The following RSRC1 variants were observed in gnomAD, a reference collection of about 807,000 sequenced individuals.
The protein encoded by RSRC1 is serine/Arginine-related protein 53.
In RSRC1, 39 loss-of-function variants were observed where a neutral mutation model predicts 49.1. The ratio of observed to expected loss-of-function variants is 0.79; its 90% CI spans 0.61 to 1.04. The LOEUF (loss-of-function observed/expected upper bound fraction) is 1.04, where lower values mean the gene tolerates loss of function less well. Among genes scored for constraint, RSRC1 ranks in the 50% least tolerant of loss-of-function variants. The pLI, the probability that RSRC1 is intolerant of heterozygous loss-of-function variation, is 0.00. For synonymous variants in RSRC1, 143 were observed against 130.8 expected (o/e 1.09, Z -0.63); for missense variants, 388 against 402.4 (o/e 0.96, Z 0.31).
At chr3:158,223,704 T>C (rs1391428478) in intron 4 of RSRC1, among the ~76,000 whole-genome samples, 1 of 151,678 alleles carries the variant, frequency 6.6e-6, no homozygotes, top group East Asian at 1.9e-4. Flanking sequence ...TTAAATCCTT[T>C]AGTGACTTCT....
At chr3:158,254,112 T>G (rs1290311511) in intron 4 of RSRC1, among the ~76,000 whole-genome samples, 1 of 152,210 alleles carries the variant, frequency 6.6e-6, no homozygotes, top group Non-Finnish European at 1.5e-5. Flanking sequence ...TTTTTATGGC[T>G]GCATAGTATT....
intron 7 of RSRC1, among the ~76,000 whole-genome samples, chr3:158,484,363 A>C (rs943346663): frequency 2.0e-5 from 3 of 152,152 alleles, no homozygotes; most frequent in African/African-American, 7.2e-5. Flanking sequence ...GTGGGCAGAA[A>C]GAATAAATGA....
intron 6 of RSRC1, among the ~76,000 whole-genome samples, chr3:158,367,914 A>C (rs557958366): frequency 6.6e-6 from 1 of 152,324 alleles, no homozygotes; most frequent in South Asian, 2.1e-4. Flanking sequence ...CAAAAAGATA[A>C]AATTGGTGTG....
chr3:158,191,690 G>T (rs978349366), intron 3 of RSRC1, among the ~76,000 whole-genome samples: 3 of 151,834 alleles, frequency 2.0e-5, no homozygotes, highest in Admixed American at 6.6e-5. Context: ...ATTGGCTTTG[G>T]TACTCTAGAG....
chr3:158,411,519 TTG>T (rs1734466813), intron 6 of RSRC1, among the ~76,000 whole-genome samples: 1 of 150,826 alleles, frequency 6.6e-6, no homozygotes, highest in South Asian at 2.1e-4. Context: ...TCTTTTTTTT[TTG>T]TTTGTTTATT....
chr3:158,351,471 A>G (rs1020562477), intron 5 of RSRC1, among the ~76,000 whole-genome samples: 1 of 152,260 alleles, frequency 6.6e-6, no homozygotes, highest in East Asian at 1.9e-4. Flanking sequence ...GATCAATGTA[A>G]CAGTATATCC....
At chr3:158,232,570 T>C (rs1723027571) in intron 4 of RSRC1, among the ~76,000 whole-genome samples, 2 of 152,136 alleles carry the variant, frequency 1.3e-5, no homozygotes, top group South Asian at 4.1e-4. Context: ...GGTTTCAGTG[T>C]CCAAGGACAG....
intron 7 of RSRC1, among the ~76,000 whole-genome samples, chr3:158,534,923 T>C (rs1712632873): frequency 6.6e-6 from 1 of 151,446 alleles, no homozygotes; most frequent in Non-Finnish European, 1.5e-5. Context: ...AATGGAGGGG[T>C]AAACACAAAC....
At chr3:158,136,294 G>GT (rs1430368435) in intron 3 of RSRC1, among the ~76,000 whole-genome samples, 44 of 152,144 alleles carry the variant, frequency 2.9e-4, no homozygotes, top group African/African-American at 9.6e-4. Flanking sequence ...TCATTTTTAA[G>GT]TTTTTTAAAA....
chr3:158,507,246 G>A (rs1237420827), intron 7 of RSRC1, among the ~76,000 whole-genome samples: 1 of 152,094 alleles, frequency 6.6e-6, no homozygotes, highest in Non-Finnish European at 1.5e-5. Context: ...GAGAACAGTG[G>A]AGGATGAAGA....
intron 6 of RSRC1, among the ~76,000 whole-genome samples, chr3:158,359,365 G>A (rs1731346240): frequency 6.6e-6 from 1 of 152,308 alleles, no homozygotes; most frequent in Admixed American, 6.5e-5. Flanking sequence ...CTAGCCCAGA[G>A]CCTGAAAAGT....
At chr3:158,133,591 A>T (rs1302644074) in intron 3 of RSRC1, among the ~76,000 whole-genome samples, 1 of 152,236 alleles carries the variant, frequency 6.6e-6, no homozygotes, top group Non-Finnish European at 1.5e-5. Flanking sequence ...TTTAAAGACA[A>T]TAATTCGTCT....
intron 4 of RSRC1, among the ~76,000 whole-genome samples, chr3:158,217,736 T>A (rs1445129746): frequency 7.5e-6 from 1 of 134,104 alleles, no homozygotes; most frequent in Admixed American, 8.0e-5. Flanking sequence ...CCTAACATTA[T>A]GGAAATTATG....
intron 6 of RSRC1, among the ~76,000 whole-genome samples, chr3:158,428,286 C>G (rs560752990): frequency 7.9e-5 from 12 of 151,956 alleles, no homozygotes; most frequent in Middle Eastern, 3.4e-3. Context: ...TAATGCATAT[C>G]AGTTTGTTCA....
rs565701804 is a variant in RSRC1, at chr3:158,240,574, G to A, written c.494+37329G>A. On this transcript the variant is annotated intron_variant, in intron 4 of 9. Coordinates refer to ENST00000611884, the MANE Select transcript of RSRC1 (RefSeq NM_001271838.2). Reference sequence around the variant, plus strand: ...AACAATCTTCCTGGGTGAGATTTACGCGTAATTTTTCTTTCCTGTTCTCTC... The same window carrying A: ...AACAATCTTCCTGGGTGAGATTTACACGTAATTTTTCTTTCCTGTTCTCTC... Among the ~76,000 whole-genome samples, 64 of 152,102 alleles carry A rather than the reference G, an allele frequency of 4.2e-4. 1 individual carries two copies. The highest frequency in any genetic ancestry group is 1.1e-3 in the African/African-American group (45 of 41,510).
chr3:158,235,850 G>T (rs1723211656), intron 4 of RSRC1, among the ~76,000 whole-genome samples: 1 of 152,200 alleles, frequency 6.6e-6, no homozygotes, highest in Admixed American at 6.5e-5. Context: ...AGGGGCGGTG[G>T]CTCATGCCTA....
At chr3:158,257,293 C>T (rs1001592393) in intron 4 of RSRC1, among the ~76,000 whole-genome samples, 86 of 152,182 alleles carry the variant, frequency 5.7e-4, no homozygotes, top group African/African-American at 2.0e-3. Flanking sequence ...TTATTTGTTT[C>T]AAAGATCATC....
rs1387312939 is a variant in RSRC1 at position 158,323,304 on chromosome 3, C to G, written c.531+25229C>G. Among the ~76,000 whole-genome samples, 4 of 152,086 alleles carry G rather than the reference C, an allele frequency of 2.6e-5. No individual in the cohort carries two copies. The East Asian group carries it at 7.7e-4, about 29-fold the overall frequency. On this transcript the variant is annotated intron_variant, in intron 5 of 9. Transcript: ENST00000611884. ...TAGCATGGCTCCTTAGGGGTTTCCT[C>G]TGTGTCTGTGTAGTTTAATGGTTAG...
intron 3 of RSRC1, among the ~76,000 whole-genome samples, chr3:158,168,818 G>T (rs529558526): frequency 6.6e-6 from 1 of 151,988 alleles, no homozygotes; most frequent in Admixed American, 6.6e-5. Context: ...AACCATTTTG[G>T]GGTACTGTAT....
Sources: gnomAD v4.1 joint callset for allele counts (sites outside exome capture counted in the v4.1 genomes callset) on GRCh38, gnomAD v4.1.1 for gene constraint, MANE v1.5 for transcripts, NCBI Gene and HGNC (gene_info 2026-07-23, HGNC 2026-07-21) for gene names.